The following TEC variants were observed in gnomAD, a reference collection of about 807,000 sequenced individuals.
The protein encoded by TEC is tyrosine-protein kinase Tec.
TEC carries 72 observed loss-of-function variants against 93.0 expected under a neutral mutation model. The ratio of observed to expected loss-of-function variants is 0.77; its 90% CI spans 0.64 to 0.94. The LOEUF (loss-of-function observed/expected upper bound fraction) is 0.94, where lower values mean the gene tolerates loss of function less well. TEC is among the 40% of genes least tolerant of loss of function. The probability of loss-of-function intolerance (pLI) is 0.00; values close to 1 mark genes in which losing one functional copy is unlikely to be tolerated. For missense variants in TEC, 630 were observed against 757.9 expected (o/e 0.83, Z 1.98); for synonymous variants, 249 against 247.7 (o/e 1.01, Z -0.05).
At chr4:48,142,552 G>A (rs147094771) in intron 14 of TEC, among the ~76,000 whole-genome samples, 40 of 152,052 alleles carry the variant, frequency 2.6e-4, no homozygotes, top group African/African-American at 9.2e-4. Context: ...TACAAAATTG[G>A]TCAAATACAA....
chr4:48,178,850 G>A (rs114252150), intron 2 of TEC, among the ~76,000 whole-genome samples: 1 of 152,168 alleles, frequency 6.6e-6, no homozygotes, highest in Non-Finnish European at 1.5e-5. Flanking sequence ...TAAAAGAGAA[G>A]ACAGTGCACC....
intron 2 of TEC, among the ~76,000 whole-genome samples, chr4:48,186,453 G>A (rs1721852611): frequency 6.6e-6 from 1 of 150,500 alleles, no homozygotes; most frequent in Non-Finnish European, 1.5e-5. Context: ...GATGTGGGGA[G>A]CGCCTCTGCC....
intron 2 of TEC, among the ~76,000 whole-genome samples, chr4:48,223,499 C>A (rs1412636338): frequency 6.6e-6 from 1 of 151,896 alleles, no homozygotes; most frequent in Non-Finnish European, 1.5e-5. Context: ...TTTTTCTAAG[C>A]CTTAGTTCTG....
intron 1 of TEC, 92 bp from the exon 2 acceptor site, chr4:48,228,751 C>A: frequency 8.9e-7 from 1 of 1,127,598 alleles, no homozygotes; most frequent in Non-Finnish European, 1.2e-6. Context: ...TCACCCTCAC[C>A]CCTGCTGGAG....
chr4:48,182,207 C>A (rs187086689), intron 2 of TEC, among the ~76,000 whole-genome samples: 50 of 151,560 alleles, frequency 3.3e-4, no homozygotes, highest in Non-Finnish European at 6.3e-4. Context: ...ATCTCTTGAA[C>A]TCAGGAGGTG....
intron 2 of TEC, among the ~76,000 whole-genome samples, chr4:48,212,167 T>G (rs959191675): frequency 6.6e-6 from 1 of 150,700 alleles, no homozygotes; most frequent in Non-Finnish European, 1.5e-5. Flanking sequence ...ATTTTTTTTC[T>G]GCTGGTCTCT....
Position 48,163,704 on chromosome 4 carries a change from A to G in TEC, c.735T>C (p.Tyr245=). 6.8e-7 allele frequency: 1 copy of G among 1,467,046 alleles called. No homozygotes were observed. The highest frequency in any genetic ancestry group is 9.2e-7 in the Non-Finnish European group (1 of 1,081,502). The allele number at this position is 1,467,046 out of a possible 1,614,324, so 90.9% of individuals were successfully genotyped here. ...TGKKSNNLDQ[Y]EWYCRNMNRS... ...TCACAAAATAAACATTTACTTACTC[A>G]TATTGATCTAAGTTGTTTGATTTCT... The change falls in exon 8 of 18, where the codon TAT becomes TAC. Residue 245 remains tyrosine, a splice_region_variant and synonymous_variant. Transcript: ENST00000381501.
rs1719540036 is a variant in TEC at position 48,138,820 on chromosome 4, C to A, written c.1657G>T (p.Val553Phe). Residue 553 changes from valine (V) to phenylalanine (F), a missense_variant and splice_region_variant, in exon 17 of 18, where the codon GTT (valine) becomes TTT (phenylalanine). Physicochemically the swap from Val to Phe is conservative, Grantham distance 50 (BLOSUM62 -1). Around this residue, in one of 3 missense-constraint regions of TEC, gnomAD observed 289 missense variants for 390.0 expected, o/e 0.74. Coordinates refer to ENST00000381501, the MANE Select transcript of TEC (RefSeq NM_003215.3). Reference sequence around the variant, plus strand: ...TCCGTGAATACTTCCCACATTAAAACACCTGGAAAAGGATAAGGATTACCA... The same window carrying A: ...TCCGTGAATACTTCCCACATTAAAAAACCTGGAAAAGGATAAGGATTACCA... ...SSKSDVWSFGVLMWEVFTEGR... is the reference protein window; with the variant it reads ...SSKSDVWSFGFLMWEVFTEGR... 1 of 1,613,312 alleles carries A rather than the reference C, an allele frequency of 6.2e-7. No homozygotes were observed. Among genetic ancestry groups the A allele is most frequent in the Non-Finnish European group, 8.5e-7 (1 of 1,179,582 alleles).
chr4:48,145,094 G>A lies in TEC; in HGVS notation c.1455C>T (p.Phe485=), dbSNP rs772552314. The A allele has an allele frequency of 6.8e-6, 11 of 1,613,968 alleles. No individual in the cohort carries two copies. Among genetic ancestry groups the A allele is most frequent in the Admixed American group, 1.7e-5 (1 of 60,012 alleles). The change falls in exon 14 of 18, where the codon TTC becomes TTT. Residue 485 remains phenylalanine, a synonymous_variant. Transcript: ENST00000381501. ...EGMEYLERNS[F]IHRDLAARNC... is the part of the protein sequence containing the mutation. The stretch of plus-strand genomic sequence containing the variant: ...CTAGGGTTACCAGATCTCTGTGGAT[G>A]AAGCTGTTTCTCTCCAGATACTCCA...
Position 48,138,726 on chromosome 4 carries a change from A to G in TEC, c.1751T>C (p.Leu584Pro), listed in dbSNP as rs760335372. Residue 584 changes from leucine to proline, a missense_variant, in exon 17 of 18, where the codon CTC becomes CCC. Coordinates refer to ENST00000381501, the MANE Select transcript of TEC (RefSeq NM_003215.3). ...VVTMVTRGHRLYQPKLASNYV... is the reference protein window; with the variant it reads ...VVTMVTRGHRPYQPKLASNYV... ...GTTGGACGCCAACTTCGGCTGGTAG[A>G]GTCGGTGGCCTCGAGTAACCATGGT... 7.4e-6 allele frequency: 12 copies of G among 1,614,120 alleles called. No homozygotes were observed. Among genetic ancestry groups the G allele is most frequent in the Non-Finnish European group, 9.3e-6 (11 of 1,180,038 alleles).
intron 1 of TEC, among the ~76,000 whole-genome samples, chr4:48,257,060 TG>T (rs1163961187): frequency 2.6e-5 from 4 of 152,210 alleles, no homozygotes; most frequent in African/African-American, 9.6e-5. Context: ...ACAACTTTGT[TG>T]TTTGGTAGAA....
At chr4:48,228,752 C>G (rs1723561542) in intron 1 of TEC, 93 bp from the exon 2 acceptor site, 13 of 1,094,660 alleles carry the variant, frequency 1.2e-5, no homozygotes, top group Non-Finnish European at 1.7e-5. Context: ...CACCCTCACC[C>G]CTGCTGGAGC....
intron 2 of TEC, among the ~76,000 whole-genome samples, chr4:48,180,340 G>A (rs1721534291): frequency 6.6e-6 from 1 of 152,096 alleles, no homozygotes; most frequent in African/African-American, 2.4e-5. Context: ...ACCCAACTGG[G>A]CAACAAGCAC....
At chr4:48,215,610 T>A (rs1286530239) in intron 2 of TEC, among the ~76,000 whole-genome samples, 2 of 152,254 alleles carry the variant, frequency 1.3e-5, no homozygotes, top group Admixed American at 6.5e-5. Flanking sequence ...TAGGCTAGGC[T>A]AACCTACAAT....
rs1719397366 is a variant in TEC, at chr4:48,136,007, A to AGGCG, written c.*1408_*1409insCGCC. The AGGCG allele has an allele frequency of 6.6e-6, 1 of 152,084 alleles. No individual in the cohort carries two copies. Among genetic ancestry groups the AGGCG allele is most frequent in the African/African-American group, 2.4e-5 (1 of 41,416 alleles). The allele number at this position is 152,084 out of a possible 1,614,324, so 9.4% of individuals were successfully genotyped here. A position where few individuals can be genotyped will look rare whatever the true frequency, so the allele number is the denominator to read the frequency against. On this transcript the variant is annotated 3_prime_UTR_variant, in exon 18 of 18. Transcript: ENST00000381501. The stretch of plus-strand genomic sequence containing the variant: ...CATCGTGGCCTGCAGAGGAGACGCA[A>AGGCG]CTCCTGAAGGGAAGGCGCTGTGTCT...
chr4:48,159,617 G>A lies in TEC; in HGVS notation c.738-2883C>T, dbSNP rs183954434. Among the ~76,000 whole-genome samples the A allele has an allele frequency of 5.1e-3, 761 of 149,352 alleles. 5 individuals carry two copies. The highest frequency in any genetic ancestry group is 6.4e-3 in the Non-Finnish European group (432 of 67,578). On this transcript the variant is annotated intron_variant, in intron 8 of 17. Coordinates refer to ENST00000381501, the MANE Select transcript of TEC (RefSeq NM_003215.3). ...GTTGTCCAGGCTGGAGTGTAATGGC[G>A]CAATCTTGGCAACCTGCCCCTCCTG...
intron 3 of TEC, among the ~76,000 whole-genome samples, chr4:48,175,767 T>C (rs1721301149): frequency 6.6e-6 from 1 of 152,220 alleles, no homozygotes; most frequent in African/African-American, 2.4e-5. Context: ...CATAGTTTAA[T>C]TAATATATGT....
rs186645631 is a variant in TEC, at chr4:48,174,587, A to T, written c.243+1495T>A. Among the ~76,000 whole-genome samples the T allele has an allele frequency of 2.4e-3, 363 of 152,034 alleles. 1 individual carries two copies. In the Middle Eastern group the frequency reaches 0.037, roughly 16 times the overall value. On this transcript the variant is annotated intron_variant, in intron 3 of 17. Transcript: ENST00000381501. ...GGCATGAGAATCGCTTGAACCTGGG[A>T]AGTGGAGGTCTCAGTGAGCTGAGAT... is the stretch of plus-strand genomic sequence containing the variant.
chr4:48,177,232 T>G (rs950440340), intron 2 of TEC, among the ~76,000 whole-genome samples: 1 of 152,314 alleles, frequency 6.6e-6, no homozygotes, highest in South Asian at 2.1e-4. Context: ...CTAAAAATTA[T>G]TACAAACACA....
Sources: allele counts gnomAD v4.1 joint callset (sites outside exome capture counted in the v4.1 genomes callset), GRCh38; gene constraint gnomAD v4.1.1; regional missense constraint gnomAD v4.1.1; transcripts MANE v1.5; gene names NCBI Gene and HGNC (gene_info 2026-07-23, HGNC 2026-07-21).